The following DOCK10 variants were observed in gnomAD, a reference collection of about 807,000 sequenced individuals.
DOCK10 encodes dedicator of cytokinesis 10, also known as dedicator of cytokinesis protein 10.
A neutral mutation model predicts 280.1 loss-of-function variants in DOCK10; 145 were observed. The ratio of observed to expected loss-of-function variants is 0.52; its 90% CI spans 0.45 to 0.59. The LOEUF is 0.59. DOCK10 is among the 20% of genes least tolerant of loss of function. The pLI is 0.00. For synonymous variants in DOCK10, 915 were observed against 942.2 expected (o/e 0.97, Z 0.53); for missense variants, 2,368 against 2,651.7 (o/e 0.89, Z 2.35).
chr2:224,941,275 A>C (rs1408216509), intron 1 of DOCK10, among the ~76,000 whole-genome samples: 1 of 151,606 alleles, frequency 6.6e-6, no homozygotes, highest in Non-Finnish European at 1.5e-5. Flanking sequence ...GGGAGAATTG[A>C]CATTCTAACC....
intron 1 of DOCK10, among the ~76,000 whole-genome samples, chr2:225,021,951 T>C (rs1689794024): frequency 6.6e-6 from 1 of 152,196 alleles, no homozygotes; most frequent in Admixed American, 6.5e-5. Flanking sequence ...GTGATAAATA[T>C]TTTCACTTCA....
At chr2:224,903,674 T>C (rs1317733885) in intron 3 of DOCK10, among the ~76,000 whole-genome samples, 1 of 152,160 alleles carries the variant, frequency 6.6e-6, no homozygotes, top group Non-Finnish European at 1.5e-5. Context: ...ACTGGGTCAT[T>C]TTTCAGTGCA....
At chr2:224,923,886 C>T (rs144560526) in intron 2 of DOCK10, among the ~76,000 whole-genome samples, 1 of 152,348 alleles carries the variant, frequency 6.6e-6, no homozygotes, top group Admixed American at 6.5e-5. Context: ...ATGAAGTCTG[C>T]AGCTTACCCA....
intron 1 of DOCK10, among the ~76,000 whole-genome samples, chr2:224,955,990 A>T (rs1002586193): frequency 1.3e-5 from 2 of 152,248 alleles, no homozygotes; most frequent in Non-Finnish European, 2.9e-5. Context: ...GAGAATTAGA[A>T]CAGACTATAC....
chr2:224,947,375 G>A (rs749181698), intron 1 of DOCK10, among the ~76,000 whole-genome samples: 14 of 152,238 alleles, frequency 9.2e-5, no homozygotes, highest in Non-Finnish European at 1.5e-4. Flanking sequence ...GACTCCAAAA[G>A]TCAACTGTAA....
At chr2:224,785,494 T>G (rs535176424) in intron 50 of DOCK10, among the ~76,000 whole-genome samples, 1 of 152,178 alleles carries the variant, frequency 6.6e-6, no homozygotes, top group Admixed American at 6.5e-5. Flanking sequence ...TAGCTTTTTC[T>G]TTCTTTGATG....
At chr2:224,816,235 A>T (rs1694129259) in intron 30 of DOCK10, among the ~76,000 whole-genome samples, 1 of 148,740 alleles carries the variant, frequency 6.7e-6, no homozygotes, top group Non-Finnish European at 1.5e-5. Flanking sequence ...AATATTTATA[A>T]ATTATATATA....
At chr2:224,965,577 C>T (rs531023019) in intron 1 of DOCK10, among the ~76,000 whole-genome samples, 1 of 152,286 alleles carries the variant, frequency 6.6e-6, no homozygotes, top group South Asian at 2.1e-4. Flanking sequence ...ATTGTATTCA[C>T]TTAATACAGG....
intron 1 of DOCK10, among the ~76,000 whole-genome samples, chr2:224,960,101 A>T (rs1429510658): frequency 6.6e-6 from 1 of 152,192 alleles, no homozygotes; most frequent in Non-Finnish European, 1.5e-5. Flanking sequence ...CTTGAGAGGA[A>T]TGATATATAA....
chr2:224,804,820 T>A lies in DOCK10; in HGVS notation c.4140A>T (p.Arg1380Ser), dbSNP rs903519097. The A allele has an allele frequency of 4.0e-6, 6 of 1,510,548 alleles. No homozygotes were observed. The highest frequency in any genetic ancestry group is 4.4e-6 in the Non-Finnish European group (5 of 1,130,590). 93.6% of individuals were successfully genotyped at this position (1,510,548 alleles called of 1,614,324 possible). A position where few individuals can be genotyped will look rare whatever the true frequency, so the allele number is the denominator to read the frequency against. The change falls in exon 38 of 56, where the codon AGA becomes AGT. Residue 1380 changes from arginine (R) to serine (S), a missense_variant. Physicochemically the swap from Arg to Ser is moderately radical, Grantham distance 110. This residue lies in a region of DOCK10 where 1,159 missense variants were observed against 1,400.8 expected (regional missense o/e 0.83). Coordinates refer to ENST00000258390, the MANE Select transcript of DOCK10 (RefSeq NM_014689.3). The stretch of plus-strand genomic sequence containing the variant: ...TTATTATGTTGCGTTTTCCTAGGTA[T>A]CTGAAATTTTGAAGACAAACGCTAG... Reference protein sequence around the residue: ...SILDVCLQNFRYLGKRNIIRK... With the variant: ...SILDVCLQNFSYLGKRNIIRK...
intron 1 of DOCK10, among the ~76,000 whole-genome samples, chr2:224,952,441 C>CAGGTGAGAAGTCGAAATAA (rs1180037415): frequency 3.3e-5 from 5 of 151,744 alleles, no homozygotes; most frequent in African/African-American, 1.2e-4. Flanking sequence ...CAGTGAAATA[C>CAGGTGAGAAGTCGAAATAA]AGGTGAGAAG....
intron 1 of DOCK10, among the ~76,000 whole-genome samples, chr2:224,977,403 A>G (rs75471237): frequency 0.016 from 2,473 of 152,322 alleles, 55 homozygotes; most frequent in African/African-American, 0.055. Flanking sequence ...GTGAACAGAA[A>G]AACATTCTCT....
At chr2:225,010,754 A>AT (rs914787571) in intron 1 of DOCK10, among the ~76,000 whole-genome samples, 5 of 152,040 alleles carry the variant, frequency 3.3e-5, no homozygotes, top group East Asian at 1.9e-4. Context: ...GCAAATCAAA[A>AT]TTTTTTTTCA....
At chr2:224,783,465 A>G (rs903894581) in intron 50 of DOCK10, among the ~76,000 whole-genome samples, 64 of 152,094 alleles carry the variant, frequency 4.2e-4, no homozygotes, top group African/African-American at 1.2e-3. Context: ...TAGTAGAGAC[A>G]GGGTTTCACT....
chr2:224,959,432 A>C (rs949244827), intron 1 of DOCK10, among the ~76,000 whole-genome samples: 1 of 124,672 alleles, frequency 8.0e-6, no homozygotes, highest in Non-Finnish European at 1.7e-5. Context: ...AGCCTTTATT[A>C]TTTTCTTTTT....
chr2:224,966,298 A>AC (rs1234795155), intron 1 of DOCK10, among the ~76,000 whole-genome samples: 4 of 68,258 alleles, frequency 5.9e-5, no homozygotes, highest in African/African-American at 1.2e-4. Flanking sequence ...CCCACCCCCC[A>AC]CCCCCCGTGG....
rs182518651 is a variant in DOCK10 at position 224,885,247 on chromosome 2, G to C, written c.747+424C>G. Among the ~76,000 whole-genome samples, 66 of 152,258 alleles carry C rather than the reference G, an allele frequency of 4.3e-4. No individual in the cohort carries two copies. In the East Asian group the frequency reaches 0.012, roughly 28 times the overall value. ...ACTCCTGACCTCAAGTGATCCACCC[G>C]CCTTGGCCTCCCAAAGTGTTGGGAT... On this transcript the variant is annotated intron_variant, in intron 7 of 55. Transcript: ENST00000258390.
chr2:224,961,472 C>CTTTCTTTCTTTCTTTCT (rs1559874257), intron 1 of DOCK10, among the ~76,000 whole-genome samples: 1 of 102,938 alleles, frequency 9.7e-6, no homozygotes, highest in Non-Finnish European at 2.1e-5. Context: ...CTTTCTTTTT[C>CTTTCTTTCTTTCTTTCT]TTTCTTTCTT....
intron 1 of DOCK10, among the ~76,000 whole-genome samples, chr2:224,982,866 G>A (rs1705818289): frequency 1.3e-5 from 2 of 151,904 alleles, no homozygotes; most frequent in Non-Finnish European, 2.9e-5. Flanking sequence ...AAGTGATTGA[G>A]GTTTTACTTT....
Sources: gnomAD v4.1 joint callset for allele counts (sites outside exome capture counted in the v4.1 genomes callset) on GRCh38, gnomAD v4.1.1 for gene constraint, gnomAD v4.1.1 regional missense constraint, MANE v1.5 for transcripts, NCBI Gene and HGNC (gene_info 2026-07-23, HGNC 2026-07-21) for gene names.